The following DENND2C variants were observed in gnomAD, a reference collection of about 807,000 sequenced individuals.
The protein encoded by DENND2C is DENN domain-containing protein 2C.
In DENND2C, 72 loss-of-function variants were observed where a neutral mutation model predicts 112.4. The ratio of observed to expected loss-of-function variants is 0.64; its 90% CI spans 0.53 to 0.78. The LOEUF is 0.78. DENND2C is among the 30% of genes least tolerant of loss of function. DENND2C has a pLI of 0.00. For missense variants in DENND2C, 992 were observed against 1,113.8 expected (o/e 0.89, Z 1.56); for synonymous variants, 329 against 381.6 (o/e 0.86, Z 1.61).
intron 8 of DENND2C, among the ~76,000 whole-genome samples, chr1:114,613,825 C>G (rs552156510): frequency 1.3e-5 from 2 of 152,126 alleles, no homozygotes; most frequent in East Asian, 3.9e-4. Flanking sequence ...CCACAGGGAT[C>G]GAAAAAGTAC....
At chr1:114,662,223 A>G (rs928349282) in intron 1 of DENND2C, among the ~76,000 whole-genome samples, 3 of 152,222 alleles carry the variant, frequency 2.0e-5, no homozygotes, top group Non-Finnish European at 2.9e-5. Flanking sequence ...ATATTTAAAT[A>G]CAAAATTATG....
intron 10 of DENND2C, among the ~76,000 whole-genome samples, chr1:114,605,319 T>C (rs1057477090): frequency 5.3e-5 from 8 of 152,210 alleles, no homozygotes; most frequent in Non-Finnish European, 1.2e-4. Context: ...GTGAAAAGTT[T>C]CCTATCAAGA....
chr1:114,602,386 G>T (rs559684523), intron 11 of DENND2C, among the ~76,000 whole-genome samples, 192 bp from the exon 12 acceptor site: 1 of 152,276 alleles, frequency 6.6e-6, no homozygotes, highest in South Asian at 2.1e-4. Context: ...AGTGATCTAA[G>T]AGGAGGCATA....
At chr1:114,621,680 A>C (rs1296894318) in intron 7 of DENND2C, among the ~76,000 whole-genome samples, 1 of 152,200 alleles carries the variant, frequency 6.6e-6, no homozygotes, top group Non-Finnish European at 1.5e-5. Context: ...TCCCCATCTA[A>C]ATCAATTTAA....
chr1:114,661,907 G>A (rs947258029), intron 1 of DENND2C, among the ~76,000 whole-genome samples: 2 of 152,034 alleles, frequency 1.3e-5, no homozygotes, highest in Non-Finnish European at 2.9e-5. Context: ...TTGGTTCAAC[G>A]ACTCACCATT....
intron 15 of DENND2C, 89 bp from the exon 16 acceptor site, chr1:114,599,540 G>T: frequency 9.2e-7 from 1 of 1,092,390 alleles, no homozygotes; most frequent in Non-Finnish European, 1.2e-6. Flanking sequence ...AAAAATTGAT[G>T]CTGGTTAGTG....
intron 20 of DENND2C, chr1:114,587,167 G>A: frequency 1.9e-6 from 1 of 529,262 alleles, no homozygotes; most frequent in Non-Finnish European, 3.4e-6. Flanking sequence ...CTCCCAAAGT[G>A]CTGGGATTAC....
At chr1:114,617,256 C>G (rs1283389744) in intron 8 of DENND2C, among the ~76,000 whole-genome samples, 1 of 152,150 alleles carries the variant, frequency 6.6e-6, no homozygotes, top group Admixed American at 6.5e-5. Flanking sequence ...TGAATGTTGA[C>G]AATTTCTTAA....
intron 3 of DENND2C, among the ~76,000 whole-genome samples, chr1:114,633,406 C>A (rs1298692409): frequency 7.6e-6 from 1 of 130,722 alleles, no homozygotes; most frequent in Middle Eastern, 4.7e-3. Flanking sequence ...CACCACTGTG[C>A]TCCAGCTTGG....
intron 2 of DENND2C, among the ~76,000 whole-genome samples, chr1:114,646,002 C>CT (rs1159096004): frequency 1.3e-5 from 2 of 152,148 alleles, no homozygotes; most frequent in African/African-American, 4.8e-5. Flanking sequence ...TTTTGGCTCA[C>CT]TGCAAGCTCT....
chr1:114,594,360 G>A (rs116640265), intron 18 of DENND2C, 113 bp downstream of exon 18: 28,336 of 838,732 alleles, frequency 0.034, 670 homozygotes, highest in Non-Finnish European at 0.043. Context: ...GATTTTCAGC[G>A]CACAGGCAAT....
At chr1:114,592,280 T>C (rs1329720156) in intron 18 of DENND2C, among the ~76,000 whole-genome samples, 2 of 152,206 alleles carry the variant, frequency 1.3e-5, no homozygotes, top group Non-Finnish European at 2.9e-5. Context: ...GCACTCTGTA[T>C]TCTTTCTATT....
At chr1:114,611,778 AACACAC>A (rs6143386) in intron 8 of DENND2C, among the ~76,000 whole-genome samples, 37 of 148,374 alleles carry the variant, frequency 2.5e-4, no homozygotes, top group Non-Finnish European at 3.0e-4. Flanking sequence ...GAGCACAGGC[AACACAC>A]ACACACACAC....
chr1:114,645,622 AAAG>A (rs1656959727), intron 2 of DENND2C, 63 bp from the exon 3 acceptor site: 1 of 152,232 alleles, frequency 6.6e-6, no homozygotes, highest in Admixed American at 6.5e-5. Context: ...GAAAACAATG[AAAG>A]AAGAGCTTCA....
chr1:114,661,661 A>T (rs1657495018), intron 1 of DENND2C, among the ~76,000 whole-genome samples: 1 of 152,182 alleles, frequency 6.6e-6, no homozygotes, highest in African/African-American at 2.4e-5. Flanking sequence ...CCATATTTTA[A>T]ATAATCTTCA....
chr1:114,651,387 G>A (rs553360964), intron 2 of DENND2C, among the ~76,000 whole-genome samples: 5 of 152,032 alleles, frequency 3.3e-5, no homozygotes, highest in Non-Finnish European at 7.4e-5. Flanking sequence ...AGGAGCTGGA[G>A]GCTACAGTGA....
intron 18 of DENND2C, among the ~76,000 whole-genome samples, chr1:114,589,523 CTTTT>C (rs762885858): frequency 6.6e-6 from 1 of 151,796 alleles, no homozygotes; most frequent in African/African-American, 2.4e-5. Context: ...CTGCATTTAT[CTTTT>C]TTCTTTTTTT....
Position 114,625,935 on chromosome 1 carries a change from T to C in DENND2C, c.50A>G (p.His17Arg), listed in dbSNP as rs774689211. 4.3e-6 allele frequency: 7 copies of C among 1,613,998 alleles called. No individual in the cohort carries two copies. The Admixed American group carries it at 5.0e-5, about 12-fold the overall frequency. The change falls in exon 4 of 21, where the codon CAC becomes CGC. Residue 17 changes from histidine (H) to arginine (R), a missense_variant. Physicochemically the swap from His to Arg is conservative, Grantham distance 29. Transcript: ENST00000393274. The stretch of plus-strand genomic sequence containing the variant: ...AATTTTTTGTTTGATGTTTTTGCAG[T>C]GGCTTCTTGACAGTGTCTGAACAGT... The part of the protein sequence containing the change: ...RTTVQTLSRS[H>R]CKNIKQKISQ...
intron 2 of DENND2C, among the ~76,000 whole-genome samples, chr1:114,650,673 C>CAAAAAAAAAAAAAA (rs58693255): frequency 1.6e-5 from 1 of 61,614 alleles, no homozygotes; most frequent in Non-Finnish European, 2.8e-5. Context: ...GACTCCGTCT[C>CAAAAAAAAAAAAAA]AAAAAAAAAA....
Sources: allele counts gnomAD v4.1 joint callset (sites outside exome capture counted in the v4.1 genomes callset), GRCh38; gene constraint gnomAD v4.1.1; transcripts MANE v1.5; gene names NCBI Gene and HGNC (gene_info 2026-07-23, HGNC 2026-07-21).